Variants in ZNF529 observed in about 807,000 individuals in gnomAD.
The protein encoded by ZNF529 is zinc finger protein 529.
A neutral mutation model predicts 10.1 loss-of-function variants in ZNF529; 11 were observed. The observed-to-expected ratio is 1.09, with a 90% CI of 0.69 to 1.81. ZNF529 has a LOEUF of 1.81. ZNF529 is among the 40% of genes most tolerant of loss of function. ZNF529 has a pLI of 0.00. For synonymous variants in ZNF529, 204 were observed against 215.7 expected, an observed-to-expected ratio of 0.95 and a Z score of 0.47; for missense variants, 624 against 666.8, an observed-to-expected ratio of 0.94 and a Z score of 0.71.
intron 1 of ZNF529, among the ~76,000 whole-genome samples, chr19:36,602,314 G>T (rs920526410): frequency 6.6e-6 from 1 of 152,108 alleles, no homozygotes; most frequent in Non-Finnish European, 1.5e-5. Flanking sequence ...CCAAAGTGCT[G>T]GGATTACAGG....
At chr19:36,586,407 C>A (rs1386677967) in intron 2 of ZNF529, among the ~76,000 whole-genome samples, 1 of 151,868 alleles carries the variant, frequency 6.6e-6, no homozygotes, top group Non-Finnish European at 1.5e-5. Context: ...GAGTTCAAGA[C>A]CAGCCTGACC....
At chr19:36,576,872 G>A (rs973670141), upstream of ZNF529, among the ~76,000 whole-genome samples, 1 of 151,656 alleles carries the variant, frequency 6.6e-6, no homozygotes, top group Non-Finnish European at 1.5e-5. Flanking sequence ...TATGTAGTGA[G>A]TACTCAGGAG....
upstream of ZNF529, among the ~76,000 whole-genome samples, chr19:36,578,264 A>G (rs1364383848): frequency 8.3e-6 from 1 of 120,898 alleles, no homozygotes; most frequent in Non-Finnish European, 1.7e-5. Flanking sequence ...CGAGGTTTCA[A>G]CATGTTGGAC....
Position 36,548,155 on chromosome 19 carries a change from C to G in ZNF529, c.403G>C (p.Glu135Gln). The part of the protein sequence containing the change: ...SKSKIDLQGP[E>Q]VGYFSQMKII... ...TTCATTTGACTGAAATATCCCACTT[C>G]AGGTCCTTGTAAGTCAATCTTGCTT... The change falls in exon 5 of 5, where the codon GAA becomes CAA. Residue 135 changes from glutamate to glutamine, a missense_variant. Transcript: ENST00000591340. 6.2e-7 allele frequency: 1 copy of G among 1,613,876 alleles called. No individual in the cohort carries two copies. Among genetic ancestry groups the G allele is most frequent in the Non-Finnish European group, 8.5e-7 (1 of 1,179,850 alleles).
intron 4 of ZNF529, 69 bp from the exon 5 acceptor site, chr19:36,548,391 T>G (rs1353904099): frequency 1.4e-6 from 2 of 1,394,882 alleles, no homozygotes; most frequent in East Asian, 5.0e-5. Flanking sequence ...AAGAGACAAT[T>G]TAAGAATAAT....
chr19:36,564,616 G>A lies in ZNF529; in HGVS notation c.14+7717C>T, dbSNP rs191943294. ...AAGTAACAGATGTTGGTGAGGCTGC[G>A]GAGAAAAGGGAATGCTTACACACTG... On this transcript the variant is annotated intron_variant, in intron 2 of 4. Transcript: ENST00000591340. 8.4e-3 allele frequency among the ~76,000 whole-genome samples: 1,284 copies of A among 152,254 alleles called. 10 individuals are homozygous for A. The highest frequency in any genetic ancestry group is 0.014 in the Non-Finnish European group (980 of 68,008).
At chr19:36,600,700 G>A (rs1460141544) in intron 1 of ZNF529, among the ~76,000 whole-genome samples, 5 of 152,108 alleles carry the variant, frequency 3.3e-5, no homozygotes, top group South Asian at 2.1e-4. Context: ...GAAAAAATAC[G>A]CATGAATAAA....
intron 2 of ZNF529, among the ~76,000 whole-genome samples, chr19:36,556,578 T>C (rs2035483984): frequency 6.6e-6 from 1 of 152,230 alleles, no homozygotes; most frequent in Non-Finnish European, 1.5e-5. Context: ...ATGTAGGCTT[T>C]AACTTGGATG....
intron 2 of ZNF529, among the ~76,000 whole-genome samples, chr19:36,579,758 T>G (rs1271137789): frequency 1.3e-5 from 2 of 152,286 alleles, no homozygotes; most frequent in African/African-American, 2.4e-5. Context: ...GTGAGTGAGT[T>G]GTGAGAGAAT....
chr19:36,598,263 G>A (rs747359000), intron 1 of ZNF529, among the ~76,000 whole-genome samples: 19 of 152,004 alleles, frequency 1.2e-4, no homozygotes, highest in South Asian at 4.1e-4. Flanking sequence ...TAATCCCAGC[G>A]CTTTGGGAGG....
At chr19:36,603,784 G>A (rs1327046751) in intron 1 of ZNF529, among the ~76,000 whole-genome samples, 1 of 152,176 alleles carries the variant, frequency 6.6e-6, no homozygotes, top group Admixed American at 6.5e-5. Flanking sequence ...GTTCACCAAA[G>A]CCTGGGACTG....
intron 1 of ZNF529, among the ~76,000 whole-genome samples, chr19:36,596,057 CTTTTTT>C (rs61695534): frequency 1.5e-5 from 1 of 68,616 alleles, no homozygotes; most frequent in African/African-American, 6.9e-5. Flanking sequence ...TCCTGAAGCT[CTTTTTT>C]TTTTTTTTTT....
chr19:36,602,111 G>A (rs561495147), intron 1 of ZNF529, among the ~76,000 whole-genome samples: 114 of 150,112 alleles, frequency 7.6e-4, no homozygotes, highest in African/African-American at 2.7e-3. Flanking sequence ...GCAGTGGCGC[G>A]ATCTCGGCTC....
At chr19:36,577,091 C>G (rs1309407258), upstream of ZNF529, 1 of 418,840 alleles carries the variant, frequency 2.4e-6, no homozygotes, top group African/African-American at 2.1e-5. Flanking sequence ...TAGCTGGGAC[C>G]ACAGGCACCC....
intron 2 of ZNF529, among the ~76,000 whole-genome samples, chr19:36,560,257 CAAAAAAAAA>C (rs58196878): frequency 2.9e-5 from 3 of 104,336 alleles, no homozygotes; most frequent in Admixed American, 1.1e-4. Flanking sequence ...AACTCCGTCT[CAAAAAAAAA>C]AAAAAAAAAA....
Position 36,554,655 on chromosome 19 carries a change from G to A in ZNF529, c.235+15C>T, listed in dbSNP as rs2035393392. The A allele has an allele frequency of 6.5e-7, 1 of 1,534,308 alleles. No individual in the cohort carries two copies. Among genetic ancestry groups the A allele is most frequent in the Non-Finnish European group, 8.8e-7 (1 of 1,136,996 alleles). On this transcript the variant is annotated intron_variant, in intron 4 of 4. Transcript: ENST00000591340. Reference sequence around the variant, plus strand: ...AGAGAGTATATTCTAAGTTATTTAAGGCAGATAAATTTACCCAGTGAGAGT... The same window carrying A: ...AGAGAGTATATTCTAAGTTATTTAAAGCAGATAAATTTACCCAGTGAGAGT...
intron 2 of ZNF529, among the ~76,000 whole-genome samples, chr19:36,584,767 A>C (rs77495937): frequency 5.8e-5 from 8 of 137,580 alleles, no homozygotes; most frequent in Non-Finnish European, 1.1e-4. Flanking sequence ...ACTCTGTCTC[A>C]AAAAAAAAAA....
chr19:36,578,293 T>C (rs1477952310), intron 2 of ZNF529, among the ~76,000 whole-genome samples: 1 of 13,932 alleles, frequency 7.2e-5, no homozygotes, highest in African/African-American at 4.5e-4. Flanking sequence ...CTTGATCTCT[T>C]TTTTTTTTTT....
chr19:36,605,360 G>A (rs1030920007), upstream of ZNF529: 1 of 152,958 alleles, frequency 6.5e-6, no homozygotes, highest in African/African-American at 2.4e-5. Flanking sequence ...GGGTGCCAGG[G>A]GTGCTGAGGA....
Sources: allele counts gnomAD v4.1 joint callset (sites outside exome capture counted in the v4.1 genomes callset), GRCh38; gene constraint gnomAD v4.1.1; transcripts MANE v1.5; gene names NCBI Gene and HGNC (gene_info 2026-07-23, HGNC 2026-07-21).